Variants in PCDHGB3 observed in about 807,000 individuals in gnomAD.
PCDHGB3 encodes the protein protocadherin gamma-B3.
In PCDHGB3, 40 loss-of-function variants were observed where a neutral mutation model predicts 59.2. The ratio of observed to expected loss-of-function variants is 0.68; its 90% CI spans 0.52 to 0.88. The LOEUF (loss-of-function observed/expected upper bound fraction) is 0.88. Ranked by LOEUF, PCDHGB3 falls within the 40% of genes least tolerant of loss-of-function variation. The pLI is 0.00. For synonymous variants in PCDHGB3, 581 were observed against 503.6 expected (o/e 1.15, Z -2.06); for missense variants, 1,309 against 1,187.9 (o/e 1.10, Z -1.50).
At chr5:141,423,360 G>A (rs762976655) in intron 1 of PCDHGB3, 1 of 1,614,224 alleles carries the variant, frequency 6.2e-7, no homozygotes, top group Non-Finnish European at 8.5e-7. Context: ...TTGTCATCGT[G>A]CTGCTGGCAC....
Position 141,487,591 on chromosome 5 carries a change from C to G in PCDHGB3, c.2416-7216C>G, listed in dbSNP as rs2099653282. The G allele has an allele frequency of 1.2e-6, 2 of 1,614,176 alleles. No individual in the cohort carries two copies. The highest frequency in any genetic ancestry group is 1.7e-6 in the Non-Finnish European group (2 of 1,180,036). ...AGCCTGTTCGCCCAAGCTGCCCACC[C>G]TCTGATCTTCTCTATGGGCTAGAGG... is the stretch of plus-strand genomic sequence containing the variant. On this transcript the variant is annotated intron_variant, in intron 1 of 3. Coordinates refer to ENST00000576222, the MANE Select transcript of PCDHGB3 (RefSeq NM_018924.5). The surrounding 1 kb of genome is among the most constrained non-coding windows in gnomAD (Gnocchi z 5.0).
At chr5:141,427,982 G>A in intron 1 of PCDHGB3, 1 of 1,596,754 alleles carries the variant, frequency 6.3e-7, no homozygotes, top group Non-Finnish European at 8.6e-7. Flanking sequence ...CCGCGCTGGG[G>A]CCCGATGGCT....
chr5:141,428,361 C>G, intron 1 of PCDHGB3: 2 of 556,764 alleles, frequency 3.6e-6, no homozygotes, highest in Non-Finnish European at 6.6e-6. Context: ...TTTTGGCGGT[C>G]GCCTTGCACC....
At chr5:141,502,547 C>G (rs1340258642) in intron 2 of PCDHGB3, among the ~76,000 whole-genome samples, 2 of 152,156 alleles carry the variant, frequency 1.3e-5, no homozygotes, top group East Asian at 3.8e-4. Context: ...GTGGTAAAAA[C>G]AGTGTCCCAG....
chr5:141,468,464 TC>T (rs2099167734), intron 1 of PCDHGB3: 2 of 152,174 alleles, frequency 1.3e-5, no homozygotes, highest in Admixed American at 1.3e-4. Flanking sequence ...GCAAGTTATT[TC>T]TGAGGAGAAT....
intron 1 of PCDHGB3, among the ~76,000 whole-genome samples, chr5:141,481,695 T>A (rs2099542216): frequency 1.3e-5 from 2 of 152,122 alleles, no homozygotes; most frequent in Non-Finnish European, 2.9e-5. Context: ...GGCTCACGCC[T>A]GTAATCCCAG....
intron 1 of PCDHGB3, chr5:141,404,124 C>G: frequency 1.2e-6 from 2 of 1,613,272 alleles, no homozygotes; most frequent in Non-Finnish European, 1.7e-6. Flanking sequence ...GAGAATCTAT[C>G]TTTTACATTA....
At chr5:141,475,959 A>T (rs963363028) in intron 1 of PCDHGB3, 15 of 817,720 alleles carry the variant, frequency 1.8e-5, no homozygotes, top group East Asian at 2.6e-5. Context: ...GCGCCCCGGG[A>T]TGAGGCAGAG....
rs750928530 is a variant in PCDHGB3 at position 141,490,174 on chromosome 5, G to T, written c.2416-4633G>T. 1 of 1,614,056 alleles carries T rather than the reference G, an allele frequency of 6.2e-7. No individual in the cohort carries two copies. Among genetic ancestry groups the T allele is most frequent in the South Asian group, 1.1e-5 (1 of 91,086 alleles). ...TGTGTTGGGTCCCATAGACTTTGAG[G>T]AGTCACGTTTCTATGAAATTCATGC... On this transcript the variant is annotated intron_variant, in intron 1 of 3. Transcript: ENST00000576222. This position sits in a 1 kb window ranked among gnomAD's most constrained non-coding sequence, Gnocchi z 5.4.
chr5:141,375,462 A>G, intron 1 of PCDHGB3: 2 of 1,613,908 alleles, frequency 1.2e-6, no homozygotes, highest in Non-Finnish European at 1.7e-6. Flanking sequence ...TACTCAGTCT[A>G]TGTCCTTGAA....
intron 1 of PCDHGB3, chr5:141,379,179 T>C (rs1440992563): frequency 6.6e-6 from 1 of 152,218 alleles, no homozygotes; most frequent in Non-Finnish European, 1.5e-5. Context: ...AAAGATAACA[T>C]TGAGTTGATG....
intron 1 of PCDHGB3, chr5:141,399,103 C>T (rs376000100): frequency 1.5e-5 from 25 of 1,613,604 alleles, no homozygotes; most frequent in East Asian, 6.7e-5. Context: ...ACTGGTTGCA[C>T]AATGTACAGT....
Position 141,431,732 on chromosome 5 carries a change from G to C in PCDHGB3, c.2415+58923G>C. 1 of 1,614,238 alleles carries C rather than the reference G, an allele frequency of 6.2e-7. No individual in the cohort carries two copies. Among genetic ancestry groups the C allele is most frequent in the Non-Finnish European group, 8.5e-7 (1 of 1,180,046 alleles). On this transcript the variant is annotated intron_variant, in intron 1 of 3. Coordinates refer to ENST00000576222, the MANE Select transcript of PCDHGB3 (RefSeq NM_018924.5). The surrounding 1 kb of genome is among the most constrained non-coding windows in gnomAD (Gnocchi z 4.8). ...GATGGAAGTGCAAGCAATGGATAAT[G>C]CAGGATATTCTGCGCGAGCCAAAGT...
At chr5:141,468,924 C>G (rs1434433938) in intron 1 of PCDHGB3, among the ~76,000 whole-genome samples, 1 of 150,520 alleles carries the variant, frequency 6.6e-6, no homozygotes, top group Non-Finnish European at 1.5e-5. Context: ...GAGAATAGCA[C>G]TAAAATGGGA....
At chr5:141,504,147 T>C (rs2099836026) in intron 2 of PCDHGB3, among the ~76,000 whole-genome samples, 1 of 152,198 alleles carries the variant, frequency 6.6e-6, no homozygotes, top group South Asian at 2.1e-4. Flanking sequence ...CCCCTGCAAA[T>C]TGAAATAATT....
At chr5:141,381,657 C>A (rs1224064730) in intron 1 of PCDHGB3, among the ~76,000 whole-genome samples, 1 of 152,134 alleles carries the variant, frequency 6.6e-6, no homozygotes, top group Non-Finnish European at 1.5e-5. Context: ...AAATGGGTTG[C>A]TTCTATAGCT....
intron 3 of PCDHGB3, among the ~76,000 whole-genome samples, chr5:141,506,598 G>A (rs1056005258): frequency 6.6e-6 from 1 of 152,130 alleles, no homozygotes; most frequent in Non-Finnish European, 1.5e-5. Context: ...CAGTATTAAC[G>A]GATCTCATTG....
chr5:141,477,042 G>A lies in PCDHGB3; in HGVS notation c.2416-17765G>A. ...ACCGGGATGCTGACAATCAAGGGTC[G>A]GCTGGACTTCGAGGACACCAAACTC... On this transcript the variant is annotated intron_variant, in intron 1 of 3. Transcript: ENST00000576222. This position sits in a 1 kb window ranked among gnomAD's most constrained non-coding sequence, Gnocchi z 4.9. 1 of 1,614,238 alleles carries A rather than the reference G, an allele frequency of 6.2e-7. No homozygotes were observed. Among genetic ancestry groups the A allele is most frequent in the Non-Finnish European group, 8.5e-7 (1 of 1,180,040 alleles).
Position 141,371,188 on chromosome 5 carries a change from T to A in PCDHGB3, c.794T>A (p.Met265Lys), listed in dbSNP as rs1206989931. The change falls in exon 1 of 4, where the codon ATG becomes AAG. Residue 265 changes from methionine to lysine, a missense_variant. Transcript: ENST00000576222. Reference protein sequence around the residue: ...LPAGSSVLKVMAIDMDEGINA... With the variant: ...LPAGSSVLKVKAIDMDEGINA... The stretch of plus-strand genomic sequence containing the variant: ...GCTGGCTCCTCCGTATTAAAAGTGA[T>A]GGCCATTGACATGGATGAGGGCATC... 1 of 1,614,030 alleles carries A rather than the reference T, an allele frequency of 6.2e-7. No homozygotes were observed. Among genetic ancestry groups the A allele is most frequent in the South Asian group, 1.1e-5 (1 of 91,090 alleles).
Sources: allele counts gnomAD v4.1 joint callset (sites outside exome capture counted in the v4.1 genomes callset), GRCh38; gene constraint gnomAD v4.1.1; non-coding constraint Gnocchi (gnomAD v3.1); transcripts MANE v1.5; gene names NCBI Gene and HGNC (gene_info 2026-07-23, HGNC 2026-07-21).